DOCK10: variants seen among roughly 807,000 people sequenced by gnomAD.
The protein encoded by DOCK10 is dedicator of cytokinesis 10, also known as dedicator of cytokinesis protein 10.
In DOCK10, 145 loss-of-function variants were observed where a neutral mutation model predicts 280.1. The observed-to-expected ratio is 0.52, with a 90% confidence interval of 0.45 to 0.59. DOCK10 has a LOEUF of 0.59. Among genes scored for constraint, DOCK10 ranks in the 20% least tolerant of loss-of-function variants. The pLI, the probability that DOCK10 is intolerant of heterozygous loss-of-function variation, is 0.00. For synonymous variants in DOCK10, 915 were observed against 942.2 expected (o/e 0.97, Z 0.53); for missense variants, 2,368 against 2,651.7 (o/e 0.89, Z 2.35).
intron 1 of DOCK10, among the ~76,000 whole-genome samples, chr2:224,977,703 C>A (rs1335403433): frequency 2.0e-5 from 3 of 152,156 alleles, no homozygotes; most frequent in African/African-American, 7.2e-5. Flanking sequence ...TCGTAACAGG[C>A]CATTGTAATG....
At chr2:224,852,882 T>C (rs1264675060) in intron 17 of DOCK10, 53 bp downstream of exon 17, 11 of 1,419,898 alleles carry the variant, frequency 7.7e-6, no homozygotes, top group African/African-American at 5.7e-5. Context: ...CTATCTTATA[T>C]GGTCTAAATA....
intron 1 of DOCK10, among the ~76,000 whole-genome samples, chr2:224,932,297 T>A (rs1419957468): frequency 6.6e-6 from 1 of 152,068 alleles, no homozygotes; most frequent in East Asian, 1.9e-4. Context: ...AGCCCGATAA[T>A]CACATTGCAT....
intron 1 of DOCK10, among the ~76,000 whole-genome samples, chr2:224,990,930 T>C (rs1324658317): frequency 6.6e-6 from 1 of 152,226 alleles, no homozygotes; most frequent in Admixed American, 6.5e-5. Context: ...TCTATGAAGC[T>C]AATGGGAGTG....
chr2:224,975,712 G>A (rs560656994), intron 1 of DOCK10, among the ~76,000 whole-genome samples: 2 of 152,254 alleles, frequency 1.3e-5, no homozygotes, highest in Non-Finnish European at 2.9e-5. Flanking sequence ...ACAAATGTAT[G>A]TTCCAAAGAT....
chr2:224,814,386 A>C, intron 30 of DOCK10, 22 bp from the exon 31 acceptor site: 1 of 1,441,016 alleles, frequency 6.9e-7, no homozygotes, highest in Non-Finnish European at 9.4e-7. Context: ...ATAAATAAAA[A>C]GTTCAGATAT....
rs555737439 is a variant in DOCK10 at position 224,896,307 on chromosome 2, C to A, written c.404G>T (p.Arg135Leu). The A allele has an allele frequency of 6.3e-7, 1 of 1,597,760 alleles. No homozygotes were observed. Among genetic ancestry groups the A allele is most frequent in the Admixed American group, 1.7e-5 (1 of 59,226 alleles). Residue 135 changes from arginine to leucine, a missense_variant, in exon 4 of 56, where the codon CGA becomes CTA. Physicochemically the swap from Arg to Leu is moderately radical, Grantham distance 102 (BLOSUM62 -2). This residue lies in a region of DOCK10 where 1,209 missense variants were observed against 1,250.9 expected (regional missense o/e 0.97). Coordinates refer to ENST00000258390, the MANE Select transcript of DOCK10 (RefSeq NM_014689.3). ...AACAGGTTCTTACCGGGGTAGCTGT[C>A]GAATGTCTCCAGAATATTGTTCATA... is the stretch of plus-strand genomic sequence containing the variant. ...YKYEQYSGDI[R>L]QLPRAEYKPE...
chr2:224,820,181 G>A (rs145693083), intron 28 of DOCK10, among the ~76,000 whole-genome samples: 463 of 152,310 alleles, frequency 3.0e-3, no homozygotes, highest in African/African-American at 0.01. Context: ...GAAGGAGATC[G>A]TAAGATTTCT....
chr2:224,845,253 T>C lies in DOCK10; in HGVS notation c.2431A>G (p.Thr811Ala), dbSNP rs1451461922. 1 of 1,586,712 alleles carries C rather than the reference T, an allele frequency of 6.3e-7. No homozygotes were observed. Among genetic ancestry groups the C allele is most frequent in the Non-Finnish European group, 8.6e-7 (1 of 1,164,818 alleles). The stretch of plus-strand genomic sequence containing the variant: ...CTTAAATAATTAGGAGGCAGACTTG[T>C]TGCTATTGGGATGTTGTACTCTTGA... ...ASQEYNIPIA[T>A]SLPPNYLSFQ... The change falls in exon 21 of 56, where the codon ACA (threonine) becomes GCA (alanine). Residue 811 changes from threonine to alanine, a missense_variant. Physicochemically the swap from Thr to Ala is moderately conservative, Grantham distance 58. Transcript: ENST00000258390.
At chr2:224,955,022 G>A (rs1294070333) in intron 1 of DOCK10, among the ~76,000 whole-genome samples, 1 of 152,150 alleles carries the variant, frequency 6.6e-6, no homozygotes, top group African/African-American at 2.4e-5. Flanking sequence ...CCTAGAGACA[G>A]AGGTATCCTG....
At position 224,797,068 on chromosome 2, in the gene DOCK10, T is replaced by C; in HGVS notation, c.4723A>G (p.Arg1575Gly). Residue 1575 changes from arginine (R) to glycine (G), a missense_variant, in exon 43 of 56, where the codon AGG becomes GGG. Arg to Gly is a moderately radical substitution (Grantham distance 125). Transcript: ENST00000258390. ...CYEVLKCCNHRSRSTQTEASA... is the reference protein window; with the variant it reads ...CYEVLKCCNHGSRSTQTEASA... ...GCTTCTGTCTGAGTTGACCGTGACC[T>C]GTGGTTACAGCATTTTAGGACTTCG... 1 of 1,613,680 alleles carries C rather than the reference T, an allele frequency of 6.2e-7. No individual in the cohort carries two copies. Among genetic ancestry groups the C allele is most frequent in the African/African-American group, 1.3e-5 (1 of 75,016 alleles).
chr2:224,857,044 C>A, intron 14 of DOCK10, 62 bp from the exon 15 acceptor site: 1 of 1,362,392 alleles, frequency 7.3e-7, no homozygotes, highest in East Asian at 2.5e-5. Context: ...GTGTTTTTAA[C>A]GTGACTATAT....
intron 1 of DOCK10, among the ~76,000 whole-genome samples, chr2:225,013,347 T>C (rs1553632421): frequency 6.6e-6 from 1 of 152,144 alleles, no homozygotes; most frequent in South Asian, 2.1e-4. Context: ...CACTCAAAAG[T>C]ACATCCACTG....
At chr2:224,943,890 A>C (rs910835496) in intron 1 of DOCK10, among the ~76,000 whole-genome samples, 1 of 150,598 alleles carries the variant, frequency 6.6e-6, no homozygotes, top group Non-Finnish European at 1.5e-5. Context: ...TAGCCTCCCG[A>C]GTAGCTGGGA....
In DOCK10 at chr2:224,814,342, C is replaced by T. The variant is rs897902160; in HGVS notation, c.3387G>A (p.Ser1129=). ...TACCTGATGCATGTAACTCTTGAGT[C>T]GATTCTGAAGGTGTCAAAGGATCTG... is the stretch of plus-strand genomic sequence containing the variant. The part of the protein sequence containing the change: ...NIPDPLTPSE[S]TQELHASDMP... The change falls in exon 31 of 56, where the codon TCG becomes TCA. Residue 1129 remains serine, a synonymous_variant. Transcript: ENST00000258390. 25 of 1,531,812 alleles carry T rather than the reference C, an allele frequency of 1.6e-5. No individual in the cohort carries two copies. Among genetic ancestry groups the T allele is most frequent in the Admixed American group, 1.0e-4 (5 of 48,150 alleles). 94.9% of individuals were successfully genotyped at this position (1,531,812 alleles called of 1,614,324 possible).
chr2:224,925,637 T>C (rs1001390068), intron 2 of DOCK10, among the ~76,000 whole-genome samples: 10 of 152,184 alleles, frequency 6.6e-5, no homozygotes, highest in Non-Finnish European at 1.5e-4. Context: ...TGAAGGTAAA[T>C]TGAAATAGAG....
In DOCK10 at chr2:224,940,548, C is replaced by T. The variant is rs16866382; in HGVS notation, c.124-8880G>A. Among the ~76,000 whole-genome samples the T allele has an allele frequency of 6.2e-3, 939 of 152,294 alleles. 12 individuals carry two copies. The highest frequency in any genetic ancestry group is 0.02 in the African/African-American group (830 of 41,554). ...AATTACCAGTGCAACCCAAGATTGTCTCATTCTGTGAAAAGTACACCAGGT... is the reference window on the plus strand; with the variant it reads ...AATTACCAGTGCAACCCAAGATTGTTTCATTCTGTGAAAAGTACACCAGGT... On this transcript the variant is annotated intron_variant, in intron 1 of 55. Transcript: ENST00000258390.
Position 224,857,325 on chromosome 2 carries a change from A to G in DOCK10, c.1686-343T>C, listed in dbSNP as rs142654225. ...TACTCTTTTAAATTATGTTTCCAAG[A>G]CACCTTAAACCTGGGCAGGACAGAG... On this transcript the variant is annotated intron_variant, in intron 14 of 55. Transcript: ENST00000258390. Among the ~76,000 whole-genome samples the G allele has an allele frequency of 2.9e-3, 448 of 152,332 alleles. 8 individuals are homozygous for G. The highest frequency in any genetic ancestry group is 0.01 in the African/African-American group (428 of 41,564).
intron 22 of DOCK10, among the ~76,000 whole-genome samples, chr2:224,843,869 A>G (rs555356337): frequency 6.6e-6 from 1 of 152,324 alleles, no homozygotes; most frequent in East Asian, 1.9e-4. Context: ...TCTCATTTTG[A>G]TCACATTTTG....
At chr2:224,949,421 C>T (rs1352880585) in intron 1 of DOCK10, among the ~76,000 whole-genome samples, 2 of 152,194 alleles carry the variant, frequency 1.3e-5, no homozygotes, top group Non-Finnish European at 2.9e-5. Flanking sequence ...TTATTAAGTA[C>T]TGTATTCAAG....
Sources: gnomAD v4.1 joint callset for allele counts (sites outside exome capture counted in the v4.1 genomes callset) on GRCh38, gnomAD v4.1.1 for gene constraint, gnomAD v4.1.1 regional missense constraint, MANE v1.5 for transcripts, NCBI Gene and HGNC (gene_info 2026-07-23, HGNC 2026-07-21) for gene names.